TENM2: variants seen among roughly 807,000 people sequenced by gnomAD.
The protein encoded by TENM2 is teneurin transmembrane protein 2, also known as teneurin-2.
A neutral mutation model predicts 245.2 loss-of-function variants in TENM2; 52 were observed. That is an observed-to-expected ratio of 0.21 (90% CI 0.17 to 0.27). The LOEUF (loss-of-function observed/expected upper bound fraction) is 0.27, where lower values mean the gene tolerates loss of function less well. Among genes scored for constraint, TENM2 ranks in the 10% least tolerant of loss-of-function variants. The pLI, the probability that TENM2 is intolerant of heterozygous loss-of-function variation, is 1.00. For synonymous variants in TENM2, 1,363 were observed against 1,438.9 expected (o/e 0.95, Z 1.19); for missense variants, 3,046 against 3,666.8 (o/e 0.83, Z 4.37).
At chr5:167,698,667 G>GTTTTGTT (rs1323499830) in intron 2 of TENM2, among the ~76,000 whole-genome samples, 136 of 118,650 alleles carry the variant, frequency 1.1e-3, no homozygotes, top group East Asian at 3.0e-3. Context: ...TGTGTGTTTT[G>GTTTTGTT]TTTTGTTTTT....
intron 2 of TENM2, chr5:167,728,943 C>G (rs1390978234): frequency 6.6e-6 from 1 of 152,208 alleles, no homozygotes; most frequent in Non-Finnish European, 1.5e-5. Flanking sequence ...TGGACACAAG[C>G]TCCTACGAAG....
chr5:167,578,071 C>T lies in TENM2; in HGVS notation c.502+202598C>T, dbSNP rs536170324. 2.6e-5 allele frequency among the ~76,000 whole-genome samples: 4 copies of T among 152,290 alleles called. No individual in the cohort carries two copies. The East Asian group carries it at 5.8e-4, about 22-fold the overall frequency. ...TGCTAGTATGATGGAGGGTCTTGAA[C>T]GGCAAGCCAAGGTATTTGATAGCCA... is the stretch of plus-strand genomic sequence containing the variant. On this transcript the variant is annotated intron_variant, in intron 2 of 28. Transcript: ENST00000518659.
At chr5:167,097,781 G>A in the TENM2 span, among the ~76,000 whole-genome samples, 9 of 152,072 alleles carry the variant, frequency 5.9e-5, no homozygotes, top group African/African-American at 9.7e-5. Context: ...TCCCTTTTTC[G>A]TGGTATGTGT....
intron 9 of TENM2, among the ~76,000 whole-genome samples, chr5:168,117,964 G>C (rs1327593625): frequency 6.6e-6 from 1 of 152,174 alleles, no homozygotes; most frequent in Non-Finnish European, 1.5e-5. Flanking sequence ...CACTTCCCCT[G>C]TCTGAGCCTC....
At chr5:168,226,967 C>T (rs955099981) in intron 24 of TENM2, among the ~76,000 whole-genome samples, 20 of 152,204 alleles carry the variant, frequency 1.3e-4, no homozygotes, top group African/African-American at 4.6e-4. Flanking sequence ...TATTATCCCA[C>T]AGCGGAGCCT....
chr5:167,636,612 C>T (rs1670228031), intron 2 of TENM2, among the ~76,000 whole-genome samples: 1 of 152,300 alleles, frequency 6.6e-6, no homozygotes, highest in East Asian at 1.9e-4. Context: ...TCATTCATTT[C>T]ATCCATTCAT....
the TENM2 span, among the ~76,000 whole-genome samples, chr5:167,043,726 T>C: frequency 6.6e-6 from 1 of 152,136 alleles, no homozygotes; most frequent in Non-Finnish European, 1.5e-5. Context: ...GAAATACTGT[T>C]CTAAGCCGGG....
chr5:167,675,538 C>T (rs1257476334), intron 2 of TENM2, among the ~76,000 whole-genome samples: 2 of 152,076 alleles, frequency 1.3e-5, no homozygotes, highest in African/African-American at 4.8e-5. Context: ...CAAAGCATCC[C>T]TGGGGTCATT....
chr5:168,075,561 T>C (rs952236776), intron 7 of TENM2, among the ~76,000 whole-genome samples: 2 of 152,168 alleles, frequency 1.3e-5, no homozygotes, highest in Admixed American at 1.3e-4. Context: ...CAACCACTGA[T>C]CTGCTTTCTG....
intron 7 of TENM2, among the ~76,000 whole-genome samples, chr5:168,062,796 G>A (rs140302463): frequency 1.3e-5 from 2 of 152,118 alleles, no homozygotes; most frequent in Non-Finnish European, 2.9e-5. Context: ...GCATGATTCC[G>A]TTTATGTGTT....
In TENM2 at chr5:167,913,401, A is replaced by G. The variant is rs566033193; in HGVS notation, c.712+37206A>G. On this transcript the variant is annotated intron_variant, in intron 3 of 28. Coordinates refer to ENST00000518659, the Ensembl canonical transcript of TENM2. ...GAAGAATAAGTTTAAGTGGTGTTAC[A>G]AAGCATATTTATTTATGCAGACGCT... Among the ~76,000 whole-genome samples the G allele has an allele frequency of 2.0e-5, 3 of 152,350 alleles. No individual in the cohort carries two copies. The South Asian group carries it at 6.2e-4, about 32-fold the overall frequency.
At chr5:167,118,334 C>A in the TENM2 span, among the ~76,000 whole-genome samples, 1 of 152,144 alleles carries the variant, frequency 6.6e-6, no homozygotes, top group Non-Finnish European at 1.5e-5. Flanking sequence ...ATTATGCTTT[C>A]TTTACCCAGC....
intron 27 of TENM2, among the ~76,000 whole-genome samples, chr5:168,256,023 C>T (rs915383055): frequency 1.3e-5 from 2 of 151,970 alleles, no homozygotes; most frequent in Non-Finnish European, 1.5e-5. Context: ...TCAGGCTGGT[C>T]TCGAACTCCT....
At chr5:168,041,615 GT>G (rs1788196602) in intron 5 of TENM2, among the ~76,000 whole-genome samples, 1 of 152,206 alleles carries the variant, frequency 6.6e-6, no homozygotes, top group African/African-American at 2.4e-5. Flanking sequence ...CCACCTGCGA[GT>G]GCCTCTGAAC....
the TENM2 span, among the ~76,000 whole-genome samples, chr5:167,003,044 C>A: frequency 1.3e-5 from 2 of 151,788 alleles, no homozygotes; most frequent in Non-Finnish European, 2.9e-5. Flanking sequence ...TCATGCAGAT[C>A]TTCCTGATTT....
At chr5:167,743,080 G>A (rs557102398) in intron 2 of TENM2, among the ~76,000 whole-genome samples, 20 of 152,082 alleles carry the variant, frequency 1.3e-4, no homozygotes, top group Admixed American at 3.3e-4. Context: ...TCTCAACACC[G>A]AACAAAACAA....
chr5:167,071,440 C>T, the TENM2 span, among the ~76,000 whole-genome samples: 1 of 152,022 alleles, frequency 6.6e-6, no homozygotes, highest in Admixed American at 6.5e-5. Context: ...AACCGTATTC[C>T]TTTGCTGGGC....
chr5:167,873,761 C>T (rs1449486156), intron 2 of TENM2, among the ~76,000 whole-genome samples: 2 of 152,142 alleles, frequency 1.3e-5, no homozygotes, highest in South Asian at 2.1e-4. Flanking sequence ...CAAACTCCAT[C>T]GTGTTCAGTG....
At chr5:167,884,409 G>C (rs7379592) in intron 3 of TENM2, among the ~76,000 whole-genome samples, 149,573 of 152,292 alleles carry the variant, frequency 0.98, 73,497 homozygotes, top group East Asian at 1. Flanking sequence ...ACACTAACTC[G>C]CTTTCCCTCA....
Sources: allele counts gnomAD v4.1 joint callset (sites outside exome capture counted in the v4.1 genomes callset), GRCh38; gene constraint gnomAD v4.1.1; transcripts MANE v1.5; gene names NCBI Gene and HGNC (gene_info 2026-07-23, HGNC 2026-07-21).